MBOAT2: variants seen among roughly 807,000 people sequenced by gnomAD.
MBOAT2 encodes membrane bound glycerophospholipid O-acyltransferase 2.
In MBOAT2, 28 loss-of-function variants were observed where a neutral mutation model predicts 63.4. That is an observed-to-expected ratio of 0.44 (90% confidence interval 0.33 to 0.61). The LOEUF (loss-of-function observed/expected upper bound fraction) is 0.61, where lower values mean the gene tolerates loss of function less well. Ranked by LOEUF, MBOAT2 falls within the 20% of genes least tolerant of loss-of-function variation. The pLI is 0.03. For synonymous variants in MBOAT2, 211 were observed against 215.6 expected (o/e 0.98, Z 0.19); for missense variants, 470 against 605.8 (o/e 0.78, Z 2.35).
chr2:8,969,148 G>A (rs1411274803), intron 1 of MBOAT2, among the ~76,000 whole-genome samples: 1 of 152,130 alleles, frequency 6.6e-6, no homozygotes, highest in Non-Finnish European at 1.5e-5. Context: ...ACAAAGGGAA[G>A]CCCATCAGAC....
At chr2:8,993,042 T>G (rs1259623871) in intron 1 of MBOAT2, among the ~76,000 whole-genome samples, 1 of 152,188 alleles carries the variant, frequency 6.6e-6, no homozygotes, top group African/African-American at 2.4e-5. Context: ...ACACTAAAAG[T>G]GGCAGTCCTT....
intron 10 of MBOAT2, among the ~76,000 whole-genome samples, chr2:8,863,803 A>AT (rs1268262974): frequency 6.6e-6 from 1 of 152,202 alleles, no homozygotes; most frequent in African/African-American, 2.4e-5. Context: ...ACTGTTCTGG[A>AT]GTACCCAGGC....
At chr2:8,977,741 C>T (rs1320211228) in intron 1 of MBOAT2, among the ~76,000 whole-genome samples, 1 of 152,092 alleles carries the variant, frequency 6.6e-6, no homozygotes, top group East Asian at 1.9e-4. Flanking sequence ...TAATGAGTAT[C>T]TAAAATTTAC....
chr2:8,980,674 T>C (rs1455192288), intron 1 of MBOAT2, among the ~76,000 whole-genome samples: 7 of 152,064 alleles, frequency 4.6e-5, no homozygotes, highest in Non-Finnish European at 8.8e-5. Context: ...ACTATACCAC[T>C]TCACATCCAC....
At chr2:8,876,851 C>A in intron 7 of MBOAT2, 179 bp downstream of exon 7, 1 of 539,052 alleles carries the variant, frequency 1.9e-6, no homozygotes, top group Non-Finnish European at 3.2e-6. Flanking sequence ...TCTCAAGTGA[C>A]CTTATTTGTG....
chr2:8,912,373 G>GAGAAAGAA (rs139345161), intron 3 of MBOAT2, among the ~76,000 whole-genome samples: 4,831 of 84,242 alleles, frequency 0.057, 319 homozygotes, highest in Middle Eastern at 0.1. Context: ...AAGAAAGAAA[G>GAGAAAGAA]AGAAAGAAAG....
At chr2:8,940,612 A>G (rs1404101339) in intron 3 of MBOAT2, among the ~76,000 whole-genome samples, 1 of 152,234 alleles carries the variant, frequency 6.6e-6, no homozygotes, top group Non-Finnish European at 1.5e-5. Flanking sequence ...TTTTAAAGGT[A>G]AGATATGAAT....
rs1661001129 is a variant in MBOAT2 at position 8,855,187 on chromosome 2, T to C, written c.*3492A>G. The C allele has an allele frequency of 6.6e-6, 1 of 152,206 alleles. No homozygotes were observed. Among genetic ancestry groups the C allele is most frequent in the Admixed American group, 6.5e-5 (1 of 15,286 alleles). The allele number at this position is 152,206 out of a possible 1,614,324, so 9.4% of individuals were successfully genotyped here. On this transcript the variant is annotated 3_prime_UTR_variant, in exon 13 of 13. Coordinates refer to ENST00000305997, the MANE Select transcript of MBOAT2 (RefSeq NM_138799.4). Reference sequence around the variant, plus strand: ...AGTAGTAAGTCAATGACCATGACAATAGTGTGGACTGTGAATGTGCCCAAG... The same window carrying C: ...AGTAGTAAGTCAATGACCATGACAACAGTGTGGACTGTGAATGTGCCCAAG...
chr2:8,858,680 C>A lies in MBOAT2; in HGVS notation c.1562G>T (p.Ter521LeuextTer5). ...IASRHSSLKQ* is the reference protein window; with the variant it reads ...IASRHSSLKQL The stretch of plus-strand genomic sequence containing the variant: ...AAACAGCCCTCAGAGCCTTCCCGAT[C>A]ACTGCTTTAGTGATGAATGTCTCGA... Residue 521 changes from the stop codon to leucine (L), a stop_lost, in exon 13 of 13, where the codon TGA becomes TTA. Transcript: ENST00000305997. 1 of 1,598,576 alleles carries A rather than the reference C, an allele frequency of 6.3e-7. No homozygotes were observed. Among genetic ancestry groups the A allele is most frequent in the Non-Finnish European group, 8.5e-7 (1 of 1,171,114 alleles).
chr2:8,961,861 G>C (rs1051036408), intron 1 of MBOAT2, among the ~76,000 whole-genome samples: 2 of 152,028 alleles, frequency 1.3e-5, no homozygotes, highest in Non-Finnish European at 2.9e-5. Context: ...GCCATGCTGG[G>C]ACCTCCTTAG....
At chr2:8,900,131 C>A (rs567899361) in intron 4 of MBOAT2, among the ~76,000 whole-genome samples, 1 of 152,146 alleles carries the variant, frequency 6.6e-6, no homozygotes, top group East Asian at 1.9e-4. Flanking sequence ...TTTCCTAATT[C>A]TTCTTAGTCC....
chr2:8,886,473 G>GA (rs1663559238), intron 5 of MBOAT2, among the ~76,000 whole-genome samples: 1 of 152,210 alleles, frequency 6.6e-6, no homozygotes, highest in African/African-American at 2.4e-5. Context: ...ATATGGCTTA[G>GA]ACAGGGTTCA....
intron 2 of MBOAT2, among the ~76,000 whole-genome samples, chr2:8,955,990 TA>T (rs1246096007): frequency 1.3e-5 from 2 of 152,218 alleles, no homozygotes; most frequent in Non-Finnish European, 2.9e-5. Context: ...ATTGTTTTTT[TA>T]GACATAATTA....
At chr2:8,957,684 A>G (rs1669322475) in intron 2 of MBOAT2, among the ~76,000 whole-genome samples, 1 of 152,200 alleles carries the variant, frequency 6.6e-6, no homozygotes, top group Admixed American at 6.5e-5. Context: ...TCTGCAGAAG[A>G]GCAAGCCTAG....
intron 11 of MBOAT2, chr2:8,861,005 T>A: frequency 3.7e-6 from 1 of 270,624 alleles, no homozygotes; most frequent in Non-Finnish European, 6.9e-6. Context: ...AGGGAAAACA[T>A]AAATGACTGG....
chr2:9,003,608 T>C lies in MBOAT2; in HGVS notation c.7A>G (p.Thr3Ala). MA[T>A]TSTTGSTLLQ... ...AGGGTGGAGCCCGTGGTGCTGGTGG[T>C]GGCCATGGCCGGGCCTCGGCGCTCC... is the stretch of plus-strand genomic sequence containing the variant. The change falls in exon 1 of 13, where the codon ACC (threonine) becomes GCC (alanine). Residue 3 changes from threonine (T) to alanine (A), a missense_variant. Physicochemically the swap from Thr to Ala is moderately conservative, Grantham distance 58 (BLOSUM62 0). Transcript: ENST00000305997. This position sits in a 1 kb window ranked among gnomAD's most constrained non-coding sequence, Gnocchi z 5.4. 3 of 1,193,202 alleles carry C rather than the reference T, an allele frequency of 2.5e-6. No individual in the cohort carries two copies. Among genetic ancestry groups the C allele is most frequent in the Non-Finnish European group, 3.1e-6 (3 of 961,666 alleles). The allele number at this position is 1,193,202 out of a possible 1,614,324, so 73.9% of individuals were successfully genotyped here.
At chr2:8,912,413 A>AAGAC (rs1553362508) in intron 3 of MBOAT2, among the ~76,000 whole-genome samples, 27 of 136,834 alleles carry the variant, frequency 2.0e-4, no homozygotes, top group East Asian at 4.1e-4. Context: ...GAAAGAAAGA[A>AAGAC]AGACAGGCCG....
rs145469366 is a variant in MBOAT2, at chr2:8,862,157, G to A, written c.1185+433C>T. On this transcript the variant is annotated intron_variant, in intron 11 of 12. Transcript: ENST00000305997. This position sits in a 1 kb window ranked among gnomAD's most constrained non-coding sequence, Gnocchi z 4.3. ...GTCTAGGCAAATACTCTAAAGAACT[G>A]TGTCCTCTTCCAGTGTGGCTCATCC... 45 of 428,278 alleles carry A rather than the reference G, an allele frequency of 1.1e-4. 1 individual carries two copies. The East Asian group carries it at 3.4e-3, about 32-fold the overall frequency. 26.5% of individuals were successfully genotyped at this position (428,278 alleles called of 1,614,324 possible). A position where few individuals can be genotyped will look rare whatever the true frequency, so the allele number is the denominator to read the frequency against.
rs1180562898 is a variant in MBOAT2 at position 9,003,024 on chromosome 2, C to A, written c.75+516G>T. 6.6e-6 allele frequency among the ~76,000 whole-genome samples: 1 copy of A among 152,202 alleles called. No individual in the cohort carries two copies. Among genetic ancestry groups the A allele is most frequent in the African/African-American group, 2.4e-5 (1 of 41,464 alleles). ...CGCTTAAGCCTCTCCGGGCCCCTAG[C>A]ACCCATCGACGCCGTCTCTAAGGCA... On this transcript the variant is annotated intron_variant, in intron 1 of 12. Coordinates refer to ENST00000305997, the MANE Select transcript of MBOAT2 (RefSeq NM_138799.4). This position sits in a 1 kb window ranked among gnomAD's most constrained non-coding sequence, Gnocchi z 5.4.
Sources: gnomAD v4.1 joint callset for allele counts (sites outside exome capture counted in the v4.1 genomes callset) on GRCh38, gnomAD v4.1.1 for gene constraint, Gnocchi (gnomAD v3.1) non-coding constraint, MANE v1.5 for transcripts, NCBI Gene and HGNC (gene_info 2026-07-23, HGNC 2026-07-21) for gene names.